Variants in PTK2 observed in about 807,000 individuals in gnomAD.
PTK2 encodes the protein focal adhesion kinase 1.
A neutral mutation model predicts 150.1 loss-of-function variants in PTK2; 45 were observed. The ratio of observed to expected loss-of-function variants is 0.30; its 90% CI spans 0.24 to 0.38. The LOEUF (loss-of-function observed/expected upper bound fraction) is 0.38. Ranked by LOEUF, PTK2 falls within the 10% of genes least tolerant of loss-of-function variation. The pLI is 1.00. For missense variants in PTK2, 919 were observed against 1,307.3 expected (o/e 0.70, Z 4.58); for synonymous variants, 432 against 449.2 (o/e 0.96, Z 0.48).
chr8:140,904,348 G>A (rs191969425), intron 2 of PTK2, among the ~76,000 whole-genome samples: 33 of 152,316 alleles, frequency 2.2e-4, no homozygotes, highest in African/African-American at 7.0e-4. Context: ...GGATGAAGCC[G>A]ACTTGATAGT....
intron 3 of PTK2, among the ~76,000 whole-genome samples, chr8:140,885,106 A>G (rs1600574077): frequency 6.6e-6 from 1 of 152,220 alleles, no homozygotes. Flanking sequence ...TGCCTGGTGT[A>G]TGGGCATGAA....
At chr8:140,949,177 ATTT>A in intron 1 of PTK2, among the ~76,000 whole-genome samples, 1 of 152,284 alleles carries the variant, frequency 6.6e-6, no homozygotes, top group South Asian at 2.1e-4. Context: ...TCTTCTTAAT[ATTT>A]TTTCTCTAGT....
chr8:140,804,193 G>A (rs1346764354), intron 10 of PTK2, among the ~76,000 whole-genome samples: 1 of 151,138 alleles, frequency 6.6e-6, no homozygotes, highest in East Asian at 1.9e-4. Context: ...AGAGTCTATG[G>A]TCATTTTCCT....
chr8:140,962,253 GAGGAAGGGA>G (rs753342194), intron 1 of PTK2, among the ~76,000 whole-genome samples: 2,536 of 132,344 alleles, frequency 0.019, 30 homozygotes, highest in Non-Finnish European at 0.03. Flanking sequence ...GAAAGGAAGG[GAGGAAGGGA>G]AGAAGGGAGG....
intron 5 of PTK2, among the ~76,000 whole-genome samples, chr8:140,862,992 C>T (rs932100328): frequency 2.0e-5 from 3 of 152,142 alleles, no homozygotes; most frequent in East Asian, 1.9e-4. Context: ...GACACACCCC[C>T]GCCAACAGCT....
intron 13 of PTK2, among the ~76,000 whole-genome samples, chr8:140,790,425 T>C (rs756714057): frequency 6.6e-6 from 1 of 152,240 alleles, no homozygotes; most frequent in Non-Finnish European, 1.5e-5. Context: ...ACCTTATACA[T>C]GTAACCCAAA....
intron 2 of PTK2, among the ~76,000 whole-genome samples, chr8:140,907,324 A>C (rs2154607877): frequency 6.6e-6 from 1 of 152,314 alleles, no homozygotes; most frequent in Non-Finnish European, 1.5e-5. Context: ...GAATATTTGC[A>C]TTATACTCAC....
Position 140,744,243 on chromosome 8 carries a change from A to C in PTK2, c.1634+409T>G, listed in dbSNP as rs1012962623. Among the ~76,000 whole-genome samples the C allele has an allele frequency of 2.0e-5, 3 of 152,100 alleles. No homozygotes were observed. The East Asian group carries it at 5.8e-4, about 29-fold the overall frequency. ...CACAGAATGCCAACAGATGTCACTC[A>C]TAAGGTTGTGTTGTCCTGGAGAGTT... On this transcript the variant is annotated intron_variant, in intron 19 of 31. Coordinates refer to ENST00000522684, the Ensembl canonical transcript of PTK2.
At chr8:140,992,553 G>A (rs1260479550) in intron 1 of PTK2, among the ~76,000 whole-genome samples, 2 of 152,186 alleles carry the variant, frequency 1.3e-5, no homozygotes, top group African/African-American at 4.8e-5. Flanking sequence ...CTCAGCACTT[G>A]CATTTCTAGC....
At chr8:140,801,300 C>A (rs987403865) in intron 11 of PTK2, among the ~76,000 whole-genome samples, 4 of 152,186 alleles carry the variant, frequency 2.6e-5, no homozygotes, top group African/African-American at 9.7e-5. Context: ...CTTTACACAC[C>A]AGCACAACCG....
At chr8:140,757,033 A>T (rs1426968661) in intron 16 of PTK2, among the ~76,000 whole-genome samples, 3 of 152,094 alleles carry the variant, frequency 2.0e-5, no homozygotes, top group African/African-American at 7.2e-5. Flanking sequence ...TGGCTATTTT[A>T]AAAAATTATC....
At chr8:140,876,712 C>T (rs768828245) in intron 4 of PTK2, among the ~76,000 whole-genome samples, 2 of 152,110 alleles carry the variant, frequency 1.3e-5, no homozygotes, top group Non-Finnish European at 1.5e-5. Flanking sequence ...CTTGCATTCA[C>T]ATTTTCCATC....
chr8:140,899,565 A>G (rs1185518025), intron 2 of PTK2, among the ~76,000 whole-genome samples: 1 of 152,258 alleles, frequency 6.6e-6, no homozygotes, highest in Non-Finnish European at 1.5e-5. Flanking sequence ...ACTCAAAAAT[A>G]TTGAAGAGGG....
chr8:140,832,892 C>T (rs960339606), intron 7 of PTK2: 1 of 519,000 alleles, frequency 1.9e-6, no homozygotes, highest in Non-Finnish European at 3.8e-6. Context: ...GAAGGCAACA[C>T]ACACGTCAGT....
chr8:140,714,929 G>A (rs2154241079), intron 23 of PTK2, among the ~76,000 whole-genome samples: 1 of 151,132 alleles, frequency 6.6e-6, no homozygotes, highest in Admixed American at 6.6e-5. Flanking sequence ...AGGAAATACT[G>A]GCCTACCATC....
chr8:140,879,676 GAAAAAAAAAAAAA>G lies in PTK2; in HGVS notation c.196-52_196-40del. ...CCCACAAGAATGACTGTTATAAACT[GAAAAAAAAAAAAA>G]AAAAAAAAAAAACCAAAACAAAACA... is the stretch of plus-strand genomic sequence containing the variant. On this transcript the variant is annotated intron_variant, in intron 3 of 31. Transcript: ENST00000522684. 65 of 34,586 alleles carry G rather than the reference GAAAAAAAAAAAAA, an allele frequency of 1.9e-3. 3 individuals are homozygous for G. Among genetic ancestry groups the G allele is most frequent in the Non-Finnish European group, 2.8e-3 (65 of 23,050 alleles). 2.1% of individuals were successfully genotyped at this position (34,586 alleles called of 1,614,324 possible). A position where few individuals can be genotyped will look rare whatever the true frequency, so the allele number is the denominator to read the frequency against.
chr8:140,667,079 A>G (rs2092568228), intron 30 of PTK2, among the ~76,000 whole-genome samples: 1 of 152,166 alleles, frequency 6.6e-6, no homozygotes, highest in Admixed American at 6.5e-5. Context: ...ATTCATAGAG[A>G]TAGCAAGTAG....
intron 1 of PTK2, among the ~76,000 whole-genome samples, chr8:140,989,910 C>CCA (rs2100195041): frequency 7.3e-6 from 1 of 136,068 alleles, no homozygotes; most frequent in South Asian, 2.3e-4. Context: ...CTCTTTGTCT[C>CCA]AAAAAAAAAA....
At chr8:140,693,741 CACTGAAGT>C (rs2100024662) in intron 26 of PTK2, among the ~76,000 whole-genome samples, 1 of 152,012 alleles carries the variant, frequency 6.6e-6, no homozygotes, top group African/African-American at 2.4e-5. Flanking sequence ...ACTCCTGACC[CACTGAAGT>C]ACTCAAAAAG....
Sources: gnomAD v4.1 joint callset for allele counts (sites outside exome capture counted in the v4.1 genomes callset) on GRCh38, gnomAD v4.1.1 for gene constraint, MANE v1.5 for transcripts, NCBI Gene and HGNC (gene_info 2026-07-23, HGNC 2026-07-21) for gene names.